LRRC4C: variants seen among roughly 807,000 people sequenced by gnomAD.
LRRC4C encodes the protein leucine-rich repeat-containing protein 4C.
A neutral mutation model predicts 33.6 loss-of-function variants in LRRC4C; 5 were observed. The ratio of observed to expected loss-of-function variants is 0.15; its 90% CI spans 0.08 to 0.31. The LOEUF (loss-of-function observed/expected upper bound fraction) is 0.31. Ranked by LOEUF, LRRC4C falls within the 10% of genes least tolerant of loss-of-function variation. LRRC4C has a pLI of 1.00. For missense variants in LRRC4C, 560 were observed against 796.7 expected, an observed-to-expected ratio of 0.70 and a Z score of 3.58; for synonymous variants, 329 against 302.0, an observed-to-expected ratio of 1.09 and a Z score of -0.93.
chr11:40,900,864 T>C (rs952701283), intron 2 of LRRC4C, among the ~76,000 whole-genome samples: 1 of 152,058 alleles, frequency 6.6e-6, no homozygotes, highest in African/African-American at 2.4e-5. Flanking sequence ...TTTTTCTCCC[T>C]ACATTTACTA....
At position 40,699,755 on chromosome 11, in the gene LRRC4C, T is replaced by C. The variant is rs566739826; in HGVS notation, c.-406-51477A>G. On this transcript the variant is annotated intron_variant, in intron 2 of 6. Coordinates refer to ENST00000528697, the MANE Select transcript of LRRC4C (RefSeq NM_001258419.2). ...TAAGGAATATTGATGGAGTTAATAT[T>C]ACTTGCATGATTGACAGTCTAGTAA... 1.8e-3 allele frequency among the ~76,000 whole-genome samples: 278 copies of C among 152,356 alleles called. 2 individuals are homozygous for C. Among genetic ancestry groups the C allele is most frequent in the Admixed American group, 3.2e-3 (49 of 15,286 alleles).
chr11:41,251,324 C>A (rs576782230), intron 1 of LRRC4C, among the ~76,000 whole-genome samples: 1 of 152,324 alleles, frequency 6.6e-6, no homozygotes, highest in African/African-American at 2.4e-5. Context: ...ACATCTAATT[C>A]TTCGCTGTAG....
At chr11:40,500,291 TATACACAC>T (rs796943470) in intron 3 of LRRC4C, among the ~76,000 whole-genome samples, 706 of 62,720 alleles carry the variant, frequency 0.011, 14 homozygotes, top group Admixed American at 0.074. Flanking sequence ...TATATATATA[TATACACAC>T]ACACACACAC....
intron 1 of LRRC4C, among the ~76,000 whole-genome samples, chr11:41,367,219 T>A (rs1035327930): frequency 6.6e-6 from 1 of 152,150 alleles, no homozygotes; most frequent in Non-Finnish European, 1.5e-5. Flanking sequence ...ATAAAATGAA[T>A]CATGACTTTA....
chr11:40,256,006 A>G (rs1416497248), intron 4 of LRRC4C, among the ~76,000 whole-genome samples: 6 of 152,206 alleles, frequency 3.9e-5, no homozygotes, highest in Non-Finnish European at 7.3e-5. Flanking sequence ...CCATTCTACT[A>G]TTCTTAAATA....
intron 1 of LRRC4C, among the ~76,000 whole-genome samples, chr11:41,243,153 T>C (rs1948319270): frequency 6.6e-6 from 1 of 152,188 alleles, no homozygotes; most frequent in Non-Finnish European, 1.5e-5. Flanking sequence ...TTATGTGAAA[T>C]TATCCTTCAG....
At chr11:40,566,126 TTTTC>T (rs1291715584) in intron 3 of LRRC4C, among the ~76,000 whole-genome samples, 1 of 150,716 alleles carries the variant, frequency 6.6e-6, no homozygotes, top group Non-Finnish European at 1.5e-5. Flanking sequence ...GTCACTTTTT[TTTTC>T]CTCTAAATAT....
chr11:40,200,784 A>AAAAAGAAAAG (rs1554971909), intron 5 of LRRC4C, among the ~76,000 whole-genome samples: 6 of 78,440 alleles, frequency 7.6e-5, no homozygotes, highest in African/African-American at 2.4e-4. Context: ...AAAAAAAAAA[A>AAAAAGAAAAG]AAAAGAAAAG....
rs532602767 is a variant in LRRC4C, at chr11:40,452,723, T to C, written c.-269-133002A>G. ...TATAAGTCATGCTGCTATAAAGACATATGCACATGTATGTTTACTGCAGCA... is the reference window on the plus strand; with the variant it reads ...TATAAGTCATGCTGCTATAAAGACACATGCACATGTATGTTTACTGCAGCA... On this transcript the variant is annotated intron_variant, in intron 3 of 6. Coordinates refer to ENST00000528697, the MANE Select transcript of LRRC4C (RefSeq NM_001258419.2). Among the ~76,000 whole-genome samples, 21 of 152,254 alleles carry C rather than the reference T, an allele frequency of 1.4e-4. 2 individuals are homozygous for C. The South Asian group carries it at 4.4e-3, about 32-fold the overall frequency.
chr11:41,189,990 GT>G (rs1376863662), intron 1 of LRRC4C, among the ~76,000 whole-genome samples: 1 of 152,180 alleles, frequency 6.6e-6, no homozygotes, highest in Non-Finnish European at 1.5e-5. Context: ...TAGTTAAGCA[GT>G]TTTTGTGTCC....
At chr11:41,422,901 A>T (rs1354069646) in intron 1 of LRRC4C, among the ~76,000 whole-genome samples, 1 of 152,110 alleles carries the variant, frequency 6.6e-6, no homozygotes, top group Non-Finnish European at 1.5e-5. Context: ...AATAAATGCC[A>T]GTGGGTGAAT....
chr11:40,583,401 C>A (rs1958564946), intron 3 of LRRC4C, among the ~76,000 whole-genome samples: 2 of 152,190 alleles, frequency 1.3e-5, no homozygotes, highest in Admixed American at 1.3e-4. Context: ...ACTGTAGCAC[C>A]TTTAATGGTG....
intron 1 of LRRC4C, among the ~76,000 whole-genome samples, chr11:40,958,172 G>A (rs371806285): frequency 3.3e-5 from 5 of 151,684 alleles, no homozygotes; most frequent in Non-Finnish European, 7.4e-5. Context: ...CTAGAACTGG[G>A]AGAAATAACT....
chr11:41,106,638 C>T (rs1202808555), intron 1 of LRRC4C, among the ~76,000 whole-genome samples: 1 of 152,030 alleles, frequency 6.6e-6, no homozygotes, highest in Admixed American at 6.6e-5. Context: ...TCATGAGCTT[C>T]CTTTTTCATC....
At chr11:40,164,856 T>A (rs771580346) in intron 5 of LRRC4C, among the ~76,000 whole-genome samples, 4 of 152,220 alleles carry the variant, frequency 2.6e-5, no homozygotes, top group Admixed American at 2.6e-4. Flanking sequence ...ATATATCATA[T>A]GCACCCCATA....
chr11:41,247,689 G>C (rs1025489699), intron 1 of LRRC4C, among the ~76,000 whole-genome samples: 1 of 152,162 alleles, frequency 6.6e-6, no homozygotes, highest in Non-Finnish European at 1.5e-5. Context: ...ACATTTGTCT[G>C]CATTTCAGTC....
intron 1 of LRRC4C, among the ~76,000 whole-genome samples, chr11:41,348,152 G>A (rs1004355639): frequency 3.3e-5 from 5 of 152,140 alleles, no homozygotes; most frequent in African/African-American, 1.2e-4. Flanking sequence ...CTAAGCTATT[G>A]AGAGATTTCT....
At chr11:40,420,527 TA>T (rs1197938587) in intron 3 of LRRC4C, among the ~76,000 whole-genome samples, 2 of 152,070 alleles carry the variant, frequency 1.3e-5, no homozygotes, top group Admixed American at 6.6e-5. Context: ...GTCCTTTATT[TA>T]AAAAAAATTG....
chr11:41,059,061 G>T (rs1038846931), intron 1 of LRRC4C, among the ~76,000 whole-genome samples: 1 of 152,084 alleles, frequency 6.6e-6, no homozygotes, highest in Non-Finnish European at 1.5e-5. Context: ...CTTGAGGGTA[G>T]AAGTTGAGAG....
Sources: gnomAD v4.1 joint callset for allele counts (sites outside exome capture counted in the v4.1 genomes callset) on GRCh38, gnomAD v4.1.1 for gene constraint, MANE v1.5 for transcripts, NCBI Gene and HGNC (gene_info 2026-07-23, HGNC 2026-07-21) for gene names.